FNIP2: variants seen among roughly 807,000 people sequenced by gnomAD.
The protein encoded by FNIP2 is folliculin interacting protein 2, also known as folliculin-interacting protein 2.
A neutral mutation model predicts 108.7 loss-of-function variants in FNIP2; 32 were observed. That is an observed-to-expected ratio of 0.29 (90% CI 0.22 to 0.40). The LOEUF (loss-of-function observed/expected upper bound fraction) is 0.40. Among genes scored for constraint, FNIP2 ranks in the 10% least tolerant of loss-of-function variants. FNIP2 has a pLI of 1.00. For missense variants in FNIP2, 1,202 were observed against 1,381.6 expected (o/e 0.87, Z 2.06); for synonymous variants, 480 against 496.7 (o/e 0.97, Z 0.45).
At chr4:158,850,581 C>T (rs1779643512) in intron 7 of FNIP2, among the ~76,000 whole-genome samples, 1 of 149,438 alleles carries the variant, frequency 6.7e-6, no homozygotes, top group African/African-American at 2.5e-5. Context: ...AAGCAGAAAG[C>T]ATATTGGAGA....
intron 12 of FNIP2, among the ~76,000 whole-genome samples, chr4:158,862,335 C>T (rs1780342784): frequency 6.6e-6 from 1 of 152,178 alleles, no homozygotes; most frequent in South Asian, 2.1e-4. Flanking sequence ...GATTCTCATC[C>T]CTACCCTTAT....
At chr4:158,890,912 AC>A (rs1237243698) in intron 14 of FNIP2, among the ~76,000 whole-genome samples, 1 of 152,176 alleles carries the variant, frequency 6.6e-6, no homozygotes, top group Non-Finnish European at 1.5e-5. Context: ...CTTGGGCCAT[AC>A]AAACACACTG....
Position 158,832,049 on chromosome 4 carries a change from CT to C in FNIP2, c.483-12del, listed in dbSNP as rs1778515605. Reference sequence around the variant, plus strand: ...CTCATAAATTTATTTTTCCCCTCTCCTTTTTTCCCCTCCACAGTTCTCCTCC... The same window carrying C: ...CTCATAAATTTATTTTTCCCCTCTCCTTTTTCCCCTCCACAGTTCTCCTCC... On this transcript the variant is annotated splice_polypyrimidine_tract_variant and intron_variant, in intron 4 of 16. Transcript: ENST00000264433. 6.2e-7 allele frequency: 1 copy of C among 1,611,868 alleles called. No individual in the cohort carries two copies.
chr4:158,891,037 A>C (rs539594118), intron 14 of FNIP2, among the ~76,000 whole-genome samples: 27 of 152,216 alleles, frequency 1.8e-4, no homozygotes, highest in Non-Finnish European at 3.4e-4. Context: ...AAGCAGCCAA[A>C]AGAATCAAGC....
chr4:158,835,360 C>T (rs1178223147), intron 6 of FNIP2, 45 bp from the exon 7 acceptor site: 3 of 1,561,710 alleles, frequency 1.9e-6, no homozygotes, highest in East Asian at 2.3e-5. Context: ...AAAACTTTAT[C>T]TCTGAAGAGC....
intron 16 of FNIP2, among the ~76,000 whole-genome samples, chr4:158,898,908 C>G (rs1033339678): frequency 1.3e-5 from 2 of 152,184 alleles, no homozygotes; most frequent in Non-Finnish European, 2.9e-5. Context: ...AGAGAGCATC[C>G]TTGTCTTGTG....
At chr4:158,881,376 G>A (rs557109123) in intron 14 of FNIP2, among the ~76,000 whole-genome samples, 4 of 114,740 alleles carry the variant, frequency 3.5e-5, no homozygotes, top group South Asian at 6.1e-4. Context: ...CTCTTTCCAC[G>A]GTCTCCCTCT....
At chr4:158,817,244 T>G (rs1257306087) in intron 1 of FNIP2, among the ~76,000 whole-genome samples, 4 of 152,212 alleles carry the variant, frequency 2.6e-5, no homozygotes, top group Non-Finnish European at 5.9e-5. Flanking sequence ...CCCTCTCACC[T>G]CAAAAGAACT....
At position 158,819,848 on chromosome 4, in the gene FNIP2, G is replaced by C. The variant is rs547801068; in HGVS notation, c.108-6068G>C. Among the ~76,000 whole-genome samples the C allele has an allele frequency of 3.4e-3, 517 of 152,308 alleles. 1 individual carries two copies. Among genetic ancestry groups the C allele is most frequent in the Middle Eastern group, 0.01 (3 of 294 alleles). ...CCCACTCTTCTTGAGCAAACCTTTT[G>C]AGAGATTTCTGTTTGTACTTAGAAG... On this transcript the variant is annotated intron_variant, in intron 1 of 16. Transcript: ENST00000264433.
chr4:158,799,146 A>T (rs975828259), intron 1 of FNIP2, among the ~76,000 whole-genome samples: 1 of 152,234 alleles, frequency 6.6e-6, no homozygotes, highest in African/African-American at 2.4e-5. Context: ...AGTTTTGGGC[A>T]TGTGAGCTGC....
At chr4:158,846,244 G>A (rs1779393438) in intron 7 of FNIP2, among the ~76,000 whole-genome samples, 1 of 152,120 alleles carries the variant, frequency 6.6e-6, no homozygotes, top group Non-Finnish European at 1.5e-5. Context: ...GATCTAGTAA[G>A]AAACATCTTT....
chr4:158,893,490 A>C lies in FNIP2; in HGVS notation c.3150+1844A>C. On this transcript the variant is annotated intron_variant, in intron 15 of 16. Transcript: ENST00000264433. ...ATTAGTATGATAGTCAATAACAATTAGTTTCATGAAACAATATTAATGGTT... is the reference window on the plus strand; with the variant it reads ...ATTAGTATGATAGTCAATAACAATTCGTTTCATGAAACAATATTAATGGTT... 3.8e-6 allele frequency: 2 copies of C among 521,564 alleles called. 1 individual carries two copies. The highest frequency in any genetic ancestry group is 6.3e-5 in the South Asian group (2 of 31,804). The allele number at this position is 521,564 out of a possible 1,614,324, so 32.3% of individuals were successfully genotyped here. A position where few individuals can be genotyped will look rare whatever the true frequency, so the allele number is the denominator to read the frequency against.
At position 158,861,674 on chromosome 4, in the gene FNIP2, G is replaced by A; in HGVS notation, c.1363G>A (p.Val455Met). 1 of 1,614,042 alleles carries A rather than the reference G, an allele frequency of 6.2e-7. No individual in the cohort carries two copies. Among genetic ancestry groups the A allele is most frequent in the South Asian group, 1.1e-5 (1 of 91,088 alleles). ...GGCCTGGGTCCCAACTGTCATGCCTGTGGATCACCCTCCCATCAAAGCCTT... is the reference window on the plus strand; with the variant it reads ...GGCCTGGGTCCCAACTGTCATGCCTATGGATCACCCTCCCATCAAAGCCTT... ...HLAWVPTVMP[V>M]DHPPIKAFSE... The change falls in exon 12 of 17, where the codon GTG (valine) becomes ATG (methionine). Residue 455 changes from valine to methionine, a missense_variant. By Grantham distance (21) the Val-to-Met change is conservative. This residue lies in a region of FNIP2 where 878 missense variants were observed against 990.3 expected (regional missense o/e 0.89). Transcript: ENST00000264433.
chr4:158,874,356 G>A (rs1478011888), intron 14 of FNIP2, among the ~76,000 whole-genome samples: 4 of 152,214 alleles, frequency 2.6e-5, no homozygotes, highest in Middle Eastern at 3.4e-3. Context: ...ATATCAAGTG[G>A]TTAGCACTTT....
At position 158,891,545 on chromosome 4, in the gene FNIP2, G is replaced by A. The variant is rs1560836711; in HGVS notation, c.3049G>A (p.Asp1017Asn). ...AGCTACAAGTCAGAGGAAAGTGACG[G>A]ACAACATGAAACTAGGCCAGGATGT... ...QVATSQRKVTDNMKLGQDVLV... is the reference protein window; with the variant it reads ...QVATSQRKVTNNMKLGQDVLV... The change falls in exon 15 of 17, where the codon GAC becomes AAC. Residue 1017 changes from aspartate to asparagine, a missense_variant. By Grantham distance (23) the Asp-to-Asn change is conservative (BLOSUM62 1). Around this residue, in one of 5 missense-constraint regions of FNIP2, gnomAD observed 142 missense variants for 183.8 expected, o/e 0.77. Coordinates refer to ENST00000264433, the MANE Select transcript of FNIP2 (RefSeq NM_020840.3). 6.2e-7 allele frequency: 1 copy of A among 1,611,676 alleles called. No individual in the cohort carries two copies. Among genetic ancestry groups the A allele is most frequent in the South Asian group, 1.1e-5 (1 of 90,490 alleles).
intron 14 of FNIP2, among the ~76,000 whole-genome samples, chr4:158,875,911 T>G (rs1781253643): frequency 6.6e-6 from 1 of 152,214 alleles, no homozygotes; most frequent in Non-Finnish European, 1.5e-5. Context: ...ATTACCAGTT[T>G]TTTTAATGAT....
intron 14 of FNIP2, chr4:158,871,834 C>G: frequency 1.0e-6 from 1 of 985,376 alleles, no homozygotes; most frequent in South Asian, 4.7e-5. Context: ...TCAATGACCC[C>G]TGTAAGAAAA....
At position 158,869,307 on chromosome 4, in the gene FNIP2, G is replaced by C; in HGVS notation, c.2671G>C (p.Glu891Gln). 6.2e-7 allele frequency: 1 copy of C among 1,613,874 alleles called. No individual in the cohort carries two copies. The highest frequency in any genetic ancestry group is 8.5e-7 in the Non-Finnish European group (1 of 1,179,838). Residue 891 changes from glutamate (E) to glutamine (Q), a missense_variant, in exon 13 of 17, where the codon GAA becomes CAA. Coordinates refer to ENST00000264433, the MANE Select transcript of FNIP2 (RefSeq NM_020840.3). The part of the protein sequence containing the change: ...FRTEGDIPRN[E>Q]SSDSALGDSD... ...GACTGAAGGAGACATTCCCCGAAAT[G>C]AAAGCTCAGATAGCGCCCTGGGAGA...
chr4:158,846,803 A>G (rs1779427192), intron 7 of FNIP2, among the ~76,000 whole-genome samples: 1 of 152,226 alleles, frequency 6.6e-6, no homozygotes, highest in African/African-American at 2.4e-5. Flanking sequence ...TTTGAAAACT[A>G]TCCACACACA....
Sources: allele counts gnomAD v4.1 joint callset (sites outside exome capture counted in the v4.1 genomes callset), GRCh38; gene constraint gnomAD v4.1.1; regional missense constraint gnomAD v4.1.1; transcripts MANE v1.5; gene names NCBI Gene and HGNC (gene_info 2026-07-23, HGNC 2026-07-21).